The following DLGAP2 variants were observed in gnomAD, a reference collection of about 807,000 sequenced individuals.
The protein encoded by DLGAP2 is DLG associated protein 2.
In DLGAP2, 26 loss-of-function variants were observed where a neutral mutation model predicts 100.3. The observed-to-expected ratio is 0.26, with a 90% CI of 0.19 to 0.36. The LOEUF (loss-of-function observed/expected upper bound fraction) is 0.36. Among genes scored for constraint, DLGAP2 ranks in the 10% least tolerant of loss-of-function variants. DLGAP2 has a pLI of 1.00. For synonymous variants in DLGAP2, 886 were observed against 630.1 expected (o/e 1.41, Z -6.08); for missense variants, 1,858 against 1,453.2 (o/e 1.28, Z -4.53).
intron 2 of DLGAP2, among the ~76,000 whole-genome samples, chr8:1,224,961 T>C (rs1160617899): frequency 6.6e-6 from 1 of 152,206 alleles, no homozygotes; most frequent in Non-Finnish European, 1.5e-5. Context: ...AGCAAGGATA[T>C]GGACAAACTG....
chr8:1,341,642 T>G (rs1801420862), intron 3 of DLGAP2, among the ~76,000 whole-genome samples: 1 of 152,158 alleles, frequency 6.6e-6, no homozygotes, highest in Non-Finnish European at 1.5e-5. Flanking sequence ...AAATATGAAC[T>G]TGTGGGCTGT....
intron 12 of DLGAP2, among the ~76,000 whole-genome samples, chr8:1,679,790 T>C (rs1031533668): frequency 1.6e-4 from 24 of 152,150 alleles, no homozygotes; most frequent in African/African-American, 5.6e-4. Context: ...CAGATCAGCC[T>C]GGCCAACATG....
chr8:1,558,639 A>G (rs1326517625), intron 5 of DLGAP2, among the ~76,000 whole-genome samples: 1 of 151,638 alleles, frequency 6.6e-6, no homozygotes, highest in Non-Finnish European at 1.5e-5. Context: ...TGTGCACATT[A>G]CACATACATA....
At chr8:904,959 C>T (rs990993788) in intron 1 of DLGAP2, among the ~76,000 whole-genome samples, 5 of 152,174 alleles carry the variant, frequency 3.3e-5, no homozygotes, top group East Asian at 1.9e-4. Flanking sequence ...CAGCCAGAGC[C>T]GGTGCGGCAA....
At chr8:1,227,156 A>ATATATATATATATATAC (rs1798436371) in intron 2 of DLGAP2, among the ~76,000 whole-genome samples, 1 of 130,714 alleles carries the variant, frequency 7.7e-6, no homozygotes, top group Non-Finnish European at 1.6e-5. Context: ...ACTGTGAGAT[A>ATATATATATATATATAC]TATATATATA....
At chr8:1,632,751 C>T (rs997917912) in intron 7 of DLGAP2, 76 bp from the exon 8 acceptor site, 97 of 1,425,586 alleles carry the variant, frequency 6.8e-5, no homozygotes, top group Non-Finnish European at 7.9e-5. Context: ...GGAATGAGCG[C>T]GCTCTCCTGG....
At chr8:1,656,197 C>T (rs1472965036) in intron 8 of DLGAP2, among the ~76,000 whole-genome samples, 3 of 152,040 alleles carry the variant, frequency 2.0e-5, no homozygotes, top group Non-Finnish European at 4.4e-5. Flanking sequence ...GTACCGCGTG[C>T]TACTTGGGAG....
intron 2 of DLGAP2, among the ~76,000 whole-genome samples, chr8:1,097,320 G>C (rs1804411472): frequency 7.7e-6 from 1 of 130,674 alleles, no homozygotes. Flanking sequence ...CACCCTCTGT[G>C]GCATGGAGGG....
At chr8:886,884 C>G (rs918321475) in intron 1 of DLGAP2, among the ~76,000 whole-genome samples, 2 of 152,122 alleles carry the variant, frequency 1.3e-5, no homozygotes, top group African/African-American at 4.8e-5. Flanking sequence ...TCTACTAGTT[C>G]CATTTGATCT....
chr8:996,292 G>C (rs925573742), intron 2 of DLGAP2, among the ~76,000 whole-genome samples: 3 of 152,142 alleles, frequency 2.0e-5, no homozygotes, highest in Non-Finnish European at 4.4e-5. Flanking sequence ...TTTCTTTCTG[G>C]GGGGGTCATT....
rs1166402100 is a variant in DLGAP2, at chr8:1,158,178, G to C, written c.74-100673G>C. On this transcript the variant is annotated intron_variant, in intron 2 of 14. Transcript: ENST00000637795. ...CATGTAACTCAAACATATTTGGTCA[G>C]CCTAAATTTGCCAGTTTGAATAAGC... Among the ~76,000 whole-genome samples the C allele has an allele frequency of 2.0e-5, 3 of 152,318 alleles. No homozygotes were observed. The East Asian group carries it at 5.8e-4, about 29-fold the overall frequency.
chr8:1,382,468 G>T (rs1796119153), intron 3 of DLGAP2, among the ~76,000 whole-genome samples: 2 of 152,364 alleles, frequency 1.3e-5, no homozygotes, highest in African/African-American at 2.4e-5. Flanking sequence ...AGGCGCAGTG[G>T]CTCACAGCTG....
Position 774,364 on chromosome 8 carries a change from T to G in DLGAP2, c.18+36539T>G, listed in dbSNP as rs1307649140. Among the ~76,000 whole-genome samples, 5 of 152,218 alleles carry G rather than the reference T, an allele frequency of 3.3e-5. No homozygotes were observed. The East Asian group carries it at 7.7e-4, about 23-fold the overall frequency. On this transcript the variant is annotated intron_variant, in intron 1 of 14. Transcript: ENST00000637795. Reference sequence around the variant, plus strand: ...GCTCTTTAGTTTAATTAGATCCCATTTGTCAATTTTGGCTTTTGTTGCCAT... The same window carrying G: ...GCTCTTTAGTTTAATTAGATCCCATGTGTCAATTTTGGCTTTTGTTGCCAT...
intron 2 of DLGAP2, among the ~76,000 whole-genome samples, chr8:1,217,978 G>A (rs567693966): frequency 6.6e-6 from 1 of 151,990 alleles, no homozygotes; most frequent in African/African-American, 2.4e-5. Flanking sequence ...TAAGTTCTTT[G>A]TTGATGCTAG....
chr8:926,626 T>G (rs1035924412), intron 2 of DLGAP2, among the ~76,000 whole-genome samples: 1 of 152,176 alleles, frequency 6.6e-6, no homozygotes, highest in Admixed American at 6.5e-5. Flanking sequence ...AGGGAGCTGC[T>G]CTCTGGAACC....
intron 3 of DLGAP2, among the ~76,000 whole-genome samples, chr8:1,314,041 T>A (rs1800672137): frequency 6.6e-6 from 1 of 152,250 alleles, no homozygotes; most frequent in African/African-American, 2.4e-5. Context: ...TTAGAATTCG[T>A]AGCAACACAC....
At chr8:1,376,616 A>T (rs534338112) in intron 3 of DLGAP2, among the ~76,000 whole-genome samples, 4 of 152,060 alleles carry the variant, frequency 2.6e-5, no homozygotes, top group Non-Finnish European at 5.9e-5. Context: ...GCCGGGTGAC[A>T]GGGACGTGCC....
At position 1,706,375 on chromosome 8, in the gene DLGAP2, GGT is replaced by G. The variant is rs1799706137; in HGVS notation, c.*4971_*4972del. 1 of 152,228 alleles carries G rather than the reference GGT, an allele frequency of 6.6e-6. No individual in the cohort carries two copies. The highest frequency in any genetic ancestry group is 1.5e-5 in the Non-Finnish European group (1 of 68,046). 9.4% of individuals were successfully genotyped at this position (152,228 alleles called of 1,614,324 possible). ...AAAGTCCTTTGAGCTCCTGGGAACA[GGT>G]GGTGAAAGTGTGCGTTACTGCTAAG... On this transcript the variant is annotated 3_prime_UTR_variant, in exon 15 of 15. Coordinates refer to ENST00000637795, the MANE Select transcript of DLGAP2 (RefSeq NM_001346810.2).
intron 3 of DLGAP2, among the ~76,000 whole-genome samples, chr8:1,469,730 C>T (rs930903739): frequency 6.6e-6 from 1 of 152,066 alleles, no homozygotes; most frequent in Non-Finnish European, 1.5e-5. Flanking sequence ...TATTTGTTGC[C>T]CTAAATAAAA....
Sources: gnomAD v4.1 joint callset for allele counts (sites outside exome capture counted in the v4.1 genomes callset) on GRCh38, gnomAD v4.1.1 for gene constraint, MANE v1.5 for transcripts, NCBI Gene and HGNC (gene_info 2026-07-23, HGNC 2026-07-21) for gene names.